DCUN1D3: variants seen among roughly 807,000 people sequenced by gnomAD.
The protein encoded by DCUN1D3 is defective in cullin neddylation 1 domain containing 3, also known as DCN1-like protein 3.
A neutral mutation model predicts 24.8 loss-of-function variants in DCUN1D3; 6 were observed. The ratio of observed to expected loss-of-function variants is 0.24; its 90% confidence interval spans 0.13 to 0.48. The LOEUF (loss-of-function observed/expected upper bound fraction) is 0.48. Ranked by LOEUF, DCUN1D3 falls within the 20% of genes least tolerant of loss-of-function variation. The pLI, the probability that DCUN1D3 is intolerant of heterozygous loss-of-function variation, is 0.99. For synonymous variants in DCUN1D3, 120 were observed against 144.9 expected (o/e 0.83, Z 1.24); for missense variants, 258 against 379.4 (o/e 0.68, Z 2.66).
chr16:20,879,432 T>C (rs2081831875), intron 1 of DCUN1D3, among the ~76,000 whole-genome samples: 1 of 152,214 alleles, frequency 6.6e-6, no homozygotes, highest in Non-Finnish European at 1.5e-5. Flanking sequence ...AAACCTTTTT[T>C]GAGGCTGGTC....
chr16:20,871,862 T>A (rs986326553), intron 1 of DCUN1D3, among the ~76,000 whole-genome samples: 2 of 152,214 alleles, frequency 1.3e-5, no homozygotes, highest in Non-Finnish European at 2.9e-5. Flanking sequence ...GGGCACCAAA[T>A]TTCTAGGTCA....
At chr16:20,873,518 A>G (rs2081799855) in intron 1 of DCUN1D3, among the ~76,000 whole-genome samples, 1 of 152,226 alleles carries the variant, frequency 6.6e-6, no homozygotes, top group Non-Finnish European at 1.5e-5. Flanking sequence ...GTGAAGACTA[A>G]CATGGGCTGT....
chr16:20,880,604 CAAAAAAAA>C (rs34275241), intron 1 of DCUN1D3, among the ~76,000 whole-genome samples: 11 of 51,924 alleles, frequency 2.1e-4, no homozygotes, highest in Non-Finnish European at 2.8e-4. Context: ...GACCCTGTCT[CAAAAAAAA>C]AAAAAAAAAA....
At chr16:20,879,184 T>G (rs903017849) in intron 1 of DCUN1D3, among the ~76,000 whole-genome samples, 10 of 152,196 alleles carry the variant, frequency 6.6e-5, no homozygotes, top group Non-Finnish European at 1.2e-4. Flanking sequence ...TATTGAAAAT[T>G]ACAAGTTTAA....
At chr16:20,889,096 C>T (rs1240859091) in intron 1 of DCUN1D3, among the ~76,000 whole-genome samples, 1 of 152,074 alleles carries the variant, frequency 6.6e-6, no homozygotes, top group Non-Finnish European at 1.5e-5. Flanking sequence ...GGCGTGGTGG[C>T]ACATGCCTGT....
chr16:20,855,858 A>G lies in DCUN1D3; in HGVS notation c.*4028T>C, dbSNP rs766958968. 3.3e-5 allele frequency: 5 copies of G among 152,188 alleles called. No individual in the cohort carries two copies. The highest frequency in any genetic ancestry group is 7.3e-5 in the Non-Finnish European group (5 of 68,030). The allele number at this position is 152,188 out of a possible 1,614,324, so 9.4% of individuals were successfully genotyped here. ...CAATTAACACAATTCAACAACCTTA[A>G]TAGTCCTTTCAGTCGTTTAAACAAG... On this transcript the variant is annotated 3_prime_UTR_variant, in exon 3 of 3. Transcript: ENST00000324344.
At position 20,864,480 on chromosome 16, in the gene DCUN1D3, C is replaced by CA. The variant is rs35420529; in HGVS notation, c.-105-1838dup. On this transcript the variant is annotated intron_variant, in intron 1 of 2. Transcript: ENST00000324344. The stretch of plus-strand genomic sequence containing the variant: ...GTCAGAATGGCTATTACTAAAAAGT[C>CA]AAAAAAAAAAACAGGAGATGGTTAG... 8.1e-3 allele frequency among the ~76,000 whole-genome samples: 1,123 copies of CA among 138,306 alleles called. 6 individuals are homozygous for CA. The highest frequency in any genetic ancestry group is 0.024 in the African/African-American group (905 of 37,790). 90.7% of individuals were successfully genotyped at this position (138,306 alleles called of 152,430 possible).
intron 1 of DCUN1D3, among the ~76,000 whole-genome samples, chr16:20,884,260 C>T (rs1567428604): frequency 1.3e-5 from 2 of 152,140 alleles, no homozygotes; most frequent in Non-Finnish European, 2.9e-5. Flanking sequence ...TCTTTAAAAG[C>T]CCAACTGCTC....
chr16:20,887,162 C>T (rs755419248), intron 1 of DCUN1D3, among the ~76,000 whole-genome samples: 4 of 152,020 alleles, frequency 2.6e-5, no homozygotes, highest in Admixed American at 6.6e-5. Flanking sequence ...ATTAGCAGGG[C>T]GTGGTGGCGG....
At chr16:20,879,692 A>G (rs1265688114) in intron 1 of DCUN1D3, among the ~76,000 whole-genome samples, 1 of 152,234 alleles carries the variant, frequency 6.6e-6, no homozygotes. Flanking sequence ...ATTAATCTTC[A>G]GGCATAGATG....
At chr16:20,898,706 A>T in intron 1 of DCUN1D3, among the ~76,000 whole-genome samples, 1 of 152,230 alleles carries the variant, frequency 6.6e-6, no homozygotes. Flanking sequence ...GCTCAGTTAC[A>T]GAAGGACAGG....
chr16:20,874,612 CT>C (rs2081804891), intron 1 of DCUN1D3, among the ~76,000 whole-genome samples: 1 of 152,182 alleles, frequency 6.6e-6, no homozygotes, highest in African/African-American at 2.4e-5. Flanking sequence ...TCCCATGAAA[CT>C]GAAAGCCCAA....
At chr16:20,869,570 G>T (rs2081778370) in intron 1 of DCUN1D3, among the ~76,000 whole-genome samples, 1 of 152,146 alleles carries the variant, frequency 6.6e-6, no homozygotes, top group African/African-American at 2.4e-5. Flanking sequence ...AAGTTTCAGA[G>T]AGAAGGCAGG....
intron 1 of DCUN1D3, among the ~76,000 whole-genome samples, chr16:20,897,990 C>T (rs186119461): frequency 6.6e-6 from 1 of 152,278 alleles, no homozygotes; most frequent in East Asian, 1.9e-4. Context: ...TATTCTGAGC[C>T]CCATATCCAC....
intron 1 of DCUN1D3, among the ~76,000 whole-genome samples, chr16:20,873,787 A>T (rs2081801232): frequency 6.6e-6 from 1 of 152,182 alleles, no homozygotes; most frequent in African/African-American, 2.4e-5. Context: ...CTGAAAATAC[A>T]GGAGGCTGGA....
chr16:20,863,809 A>G (rs920668217), intron 1 of DCUN1D3, among the ~76,000 whole-genome samples: 1 of 152,200 alleles, frequency 6.6e-6, no homozygotes, highest in African/African-American at 2.4e-5. Context: ...GAGCCCAAAA[A>G]TAAGGCCACA....
chr16:20,879,216 G>T (rs1022070266), intron 1 of DCUN1D3, among the ~76,000 whole-genome samples: 1 of 152,114 alleles, frequency 6.6e-6, no homozygotes, highest in South Asian at 2.1e-4. Context: ...TGGAGACGGG[G>T]TATCACACTA....
chr16:20,879,827 C>T (rs946637735), intron 1 of DCUN1D3, among the ~76,000 whole-genome samples: 2 of 152,204 alleles, frequency 1.3e-5, no homozygotes, highest in Non-Finnish European at 2.9e-5. Flanking sequence ...GGTTATGACT[C>T]GGTATTGCCA....
chr16:20,874,789 T>C (rs2081805541), intron 1 of DCUN1D3, among the ~76,000 whole-genome samples: 1 of 152,200 alleles, frequency 6.6e-6, no homozygotes, highest in African/African-American at 2.4e-5. Context: ...TCTCTGCAGG[T>C]TGAAACTTGA....
Sources: allele counts gnomAD v4.1 joint callset (sites outside exome capture counted in the v4.1 genomes callset), GRCh38; gene constraint gnomAD v4.1.1; transcripts MANE v1.5; gene names NCBI Gene and HGNC (gene_info 2026-07-23, HGNC 2026-07-21).